The following FARP2 variants were observed in gnomAD, a reference collection of about 807,000 sequenced individuals.
FARP2 encodes the protein FERM, ARH/RhoGEF and pleckstrin domain protein 2.
Under a neutral mutation model 130.5 loss-of-function variants are expected in FARP2, and 111 were observed. The observed-to-expected ratio is 0.85, with a 90% CI of 0.73 to 1.00. The LOEUF (loss-of-function observed/expected upper bound fraction) is 1.00, where lower values mean the gene tolerates loss of function less well. FARP2 is among the 50% of genes least tolerant of loss of function. The probability of loss-of-function intolerance (pLI) is 0.00; values close to 1 mark genes in which losing one functional copy is unlikely to be tolerated. For missense variants in FARP2, 1,385 were observed against 1,346.3 expected, an observed-to-expected ratio of 1.03 and a Z score of -0.45; for synonymous variants, 504 against 516.9, an observed-to-expected ratio of 0.98 and a Z score of 0.34.
intron 8 of FARP2, among the ~76,000 whole-genome samples, chr2:241,426,150 G>A (rs531020425): frequency 1.3e-5 from 2 of 152,180 alleles, no homozygotes; most frequent in Non-Finnish European, 2.9e-5. Flanking sequence ...GGAAGACACA[G>A]GTTCTGCCTG....
At chr2:241,441,130 GCTA>G (rs370280589) in intron 12 of FARP2, among the ~76,000 whole-genome samples, 171 bp from the exon 13 acceptor site, 35 of 152,206 alleles carry the variant, frequency 2.3e-4, no homozygotes, top group African/African-American at 7.7e-4. Flanking sequence ...GATTTGCAAT[GCTA>G]CTTTTACAAA....
chr2:241,418,130 G>A (rs1452385579), intron 8 of FARP2, 21 bp downstream of exon 8: 3 of 1,614,076 alleles, frequency 1.9e-6, no homozygotes, highest in Admixed American at 1.7e-5. Context: ...GGGGAAGGGA[G>A]GGGTGAGAAC....
intron 2 of FARP2, among the ~76,000 whole-genome samples, chr2:241,400,792 G>A (rs1169263596): frequency 1.3e-5 from 2 of 152,194 alleles, no homozygotes; most frequent in Non-Finnish European, 2.9e-5. Flanking sequence ...GGATGGAAGT[G>A]TGGACAGACA....
intron 8 of FARP2, among the ~76,000 whole-genome samples, chr2:241,428,631 T>C (rs1273841969): frequency 2.6e-5 from 4 of 152,162 alleles, no homozygotes; most frequent in Non-Finnish European, 4.4e-5. Flanking sequence ...CAGGATTTTT[T>C]TTTTTTTAAT....
At chr2:241,400,351 G>A (rs2062136711) in intron 2 of FARP2, among the ~76,000 whole-genome samples, 1 of 152,236 alleles carries the variant, frequency 6.6e-6, no homozygotes, top group Admixed American at 6.5e-5. Flanking sequence ...CGTGTGTGGT[G>A]CCTCTCCTGT....
chr2:241,493,335 G>C lies in FARP2; in HGVS notation c.2938G>C (p.Val980Leu), dbSNP rs145708249. The C allele has an allele frequency of 6.2e-7, 1 of 1,613,884 alleles. No homozygotes were observed. The highest frequency in any genetic ancestry group is 1.3e-5 in the African/African-American group (1 of 74,930). ...LASLPLLGYS[V>L]SIPREADGIH... ...CAGCCTCCCGCTGCTGGGCTACAGCGTGAGCATCCCCAGGGAGGCCGATGG... is the reference window on the plus strand; with the variant it reads ...CAGCCTCCCGCTGCTGGGCTACAGCCTGAGCATCCCCAGGGAGGCCGATGG... The change falls in exon 26 of 27, where the codon GTG (valine) becomes CTG (leucine). Residue 980 changes from valine (V) to leucine (L), a missense_variant. Coordinates refer to ENST00000264042, the MANE Select transcript of FARP2 (RefSeq NM_014808.4).
chr2:241,464,563 C>CT (rs1345047730), intron 17 of FARP2, among the ~76,000 whole-genome samples: 16 of 150,694 alleles, frequency 1.1e-4, no homozygotes, highest in African/African-American at 3.4e-4. Context: ...AGGGTCCCTC[C>CT]AGAGCAGGGT....
In FARP2 at chr2:241,385,517, C is replaced by T. The variant is rs1575485114; in HGVS notation, c.183+12227C>T. Among the ~76,000 whole-genome samples, 3 of 152,192 alleles carry T rather than the reference C, an allele frequency of 2.0e-5. No individual in the cohort carries two copies. The Middle Eastern group carries it at 0.01, about 518-fold the overall frequency. On this transcript the variant is annotated intron_variant, in intron 2 of 26. Coordinates refer to ENST00000264042, the MANE Select transcript of FARP2 (RefSeq NM_014808.4). ...CAAGTGGATCATTTGAGCTCAGGAG[C>T]TCGAGACAATTCTGGGCAACATAGC...
chr2:241,441,269 T>C (rs767301957), intron 12 of FARP2, 35 bp from the exon 13 acceptor site: 27 of 1,532,792 alleles, frequency 1.8e-5, no homozygotes, highest in Non-Finnish European at 2.3e-5. Flanking sequence ...TGTAATTTTA[T>C]ATCCTTTTTT....
intron 2 of FARP2, among the ~76,000 whole-genome samples, chr2:241,376,742 C>G (rs2061544446): frequency 6.6e-6 from 1 of 152,164 alleles, no homozygotes; most frequent in South Asian, 2.1e-4. Context: ...GTGGTTTTTG[C>G]TGTTGGACCT....
chr2:241,359,850 C>G (rs1479186332), intron 1 of FARP2, among the ~76,000 whole-genome samples: 2 of 152,188 alleles, frequency 1.3e-5, no homozygotes, highest in Admixed American at 1.3e-4. Context: ...TTGATGCCAG[C>G]TGCACATGGT....
At chr2:241,375,041 G>T (rs1259804953) in intron 2 of FARP2, among the ~76,000 whole-genome samples, 2 of 152,110 alleles carry the variant, frequency 1.3e-5, no homozygotes, top group Non-Finnish European at 2.9e-5. Context: ...CTGCCTCCCG[G>T]GTTCACACCA....
At chr2:241,485,006 C>T (rs975827350) in intron 21 of FARP2, among the ~76,000 whole-genome samples, 1 of 152,108 alleles carries the variant, frequency 6.6e-6, no homozygotes, top group Non-Finnish European at 1.5e-5. Context: ...CCTGCCAGGG[C>T]GCCAAGGACA....
chr2:241,406,493 C>G (rs2062353962), intron 4 of FARP2, among the ~76,000 whole-genome samples: 1 of 152,016 alleles, frequency 6.6e-6, no homozygotes, highest in Non-Finnish European at 1.5e-5. Flanking sequence ...GTCACCCAGC[C>G]TGGAGTGCAG....
intron 1 of FARP2, among the ~76,000 whole-genome samples, chr2:241,357,184 A>C (rs1294449792): frequency 6.6e-6 from 1 of 152,216 alleles, no homozygotes; most frequent in Non-Finnish European, 1.5e-5. Context: ...GCAAATTTAA[A>C]ACCCAAGGCC....
At chr2:241,421,003 G>A (rs542373253) in intron 8 of FARP2, among the ~76,000 whole-genome samples, 3 of 152,154 alleles carry the variant, frequency 2.0e-5, no homozygotes, top group Non-Finnish European at 2.9e-5. Context: ...CTAACTAGGC[G>A]AACAACTCAA....
At chr2:241,418,181 T>A (rs2062725433) in intron 8 of FARP2, 72 bp downstream of exon 8, 1 of 1,522,830 alleles carries the variant, frequency 6.6e-7, no homozygotes, top group Non-Finnish European at 9.1e-7. Flanking sequence ...GGGTTTGTTC[T>A]TATAGATGTT....
In FARP2 at chr2:241,491,635, C is replaced by T. The variant is rs1449861556; in HGVS notation, c.2743C>T (p.Arg915Trp). The change falls in exon 24 of 27, where the codon CGG becomes TGG. Residue 915 changes from arginine (R) to tryptophan (W), a missense_variant. Physicochemically the swap from Arg to Trp is moderately radical, Grantham distance 101. Coordinates refer to ENST00000264042, the MANE Select transcript of FARP2 (RefSeq NM_014808.4). ...ANTTMHVCWY[R>W]NTSVSRADHS... is the part of the protein sequence containing the mutation. ...CACCACAATGCACGTGTGCTGGTAC[C>T]GGAACACCAGCGTGTCCAGGGCAGA... 12 of 1,613,230 alleles carry T rather than the reference C, an allele frequency of 7.4e-6. No homozygotes were observed. Among genetic ancestry groups the T allele is most frequent in the East Asian group, 2.2e-5 (1 of 44,874 alleles).
intron 8 of FARP2, among the ~76,000 whole-genome samples, chr2:241,425,051 A>G (rs1408962227): frequency 6.6e-6 from 1 of 152,106 alleles, no homozygotes; most frequent in African/African-American, 2.4e-5. Context: ...CTCTACTAAT[A>G]TAATAATTAG....
Sources: allele counts gnomAD v4.1 joint callset (sites outside exome capture counted in the v4.1 genomes callset), GRCh38; gene constraint gnomAD v4.1.1; transcripts MANE v1.5; gene names NCBI Gene and HGNC (gene_info 2026-07-23, HGNC 2026-07-21).